IP6K3: variants seen among roughly 807,000 people sequenced by gnomAD.
IP6K3 encodes ATP:1D-myo-inositol-hexakisphosphate phosphotransferase.
Under a neutral mutation model 28.8 loss-of-function variants are expected in IP6K3, and 20 were observed. The ratio of observed to expected loss-of-function variants is 0.70; its 90% CI spans 0.49 to 1.01. The LOEUF is 1.01. Ranked by LOEUF, IP6K3 falls within the 50% of genes least tolerant of loss-of-function variation. The pLI is 0.00. For synonymous variants in IP6K3, 213 were observed against 221.3 expected, an observed-to-expected ratio of 0.96 and a Z score of 0.33; for missense variants, 480 against 537.1, an observed-to-expected ratio of 0.89 and a Z score of 1.05.
intron 1 of IP6K3, among the ~76,000 whole-genome samples, chr6:33,745,219 G>T (rs1582231040): frequency 6.6e-6 from 1 of 152,234 alleles, no homozygotes; most frequent in Non-Finnish European, 1.5e-5. Flanking sequence ...GCAACCATCC[G>T]GGTTTCTGCC....
At chr6:33,759,476 C>T in the IP6K3 span, among the ~76,000 whole-genome samples, 373 of 152,212 alleles carry the variant, frequency 2.5e-3, 2 homozygotes, top group African/African-American at 7.8e-3. Context: ...GCGATCCACC[C>T]GCCTTGGCCT....
the IP6K3 span, among the ~76,000 whole-genome samples, chr6:33,761,727 A>G: frequency 1.3e-5 from 2 of 152,068 alleles, no homozygotes; most frequent in African/African-American, 2.4e-5. Context: ...CTCAGGCCCC[A>G]TGCTCTGCAG....
intron 2 of IP6K3, 126 bp from the exon 3 acceptor site, chr6:33,728,426 T>A: frequency 1.2e-6 from 1 of 829,822 alleles, no homozygotes. Context: ...GTTCCCCAGC[T>A]CCTCTCTCAA....
chr6:33,725,544 CG>C lies in IP6K3; in HGVS notation c.661del (p.Arg221GlyfsTer16), dbSNP rs35685767. The C allele has an allele frequency of 6.2e-7, 1 of 1,614,132 alleles. No homozygotes were observed. Among genetic ancestry groups the C allele is most frequent in the South Asian group, 1.1e-5 (1 of 91,084 alleles). The part of the protein sequence containing the change: ...PCVLDLKMGT[R>X]QHGDDASEEK... Reference sequence around the variant, plus strand: ...CTCCGATGCATCATCGCCGTGCTGCCGGGTCCCCATCTTCAGATCCAGGACA... The same window carrying C: ...CTCCGATGCATCATCGCCGTGCTGCCGGTCCCCATCTTCAGATCCAGGACA... On this transcript the variant is annotated frameshift_variant, in exon 5 of 6. Coordinates refer to ENST00000293756, the MANE Select transcript of IP6K3 (RefSeq NM_054111.5). LOFTEE classifies it high-confidence loss of function.
chr6:33,735,416 A>G lies in IP6K3; in HGVS notation c.61T>C (p.Phe21Leu). The G allele has an allele frequency of 6.2e-7, 1 of 1,609,518 alleles. No homozygotes were observed. The highest frequency in any genetic ancestry group is 1.1e-5 in the South Asian group (1 of 90,504). Residue 21 changes from phenylalanine (F) to leucine (L), a missense_variant, in exon 2 of 6, where the codon TTC (phenylalanine) becomes CTC (leucine). Physicochemically the swap from Phe to Leu is conservative, Grantham distance 22. Transcript: ENST00000293756. ...DMRAGVQLEP[F>L]LHQVGGHMSV... ...ATGTGCCCCCCGACCTGGTGCAGGA[A>G]GGGCTCCAGCTGCACGCCTGCCCTC...
chr6:33,743,077 G>A (rs925791481), intron 1 of IP6K3, among the ~76,000 whole-genome samples: 4 of 152,164 alleles, frequency 2.6e-5, no homozygotes, highest in Non-Finnish European at 4.4e-5. Context: ...AGAGGCAGCC[G>A]GCAGTGGAGG....
intron 2 of IP6K3, among the ~76,000 whole-genome samples, chr6:33,734,889 G>A (rs957444595): frequency 2.0e-5 from 3 of 152,162 alleles, no homozygotes; most frequent in Admixed American, 2.0e-4. Context: ...CATCCTCCTT[G>A]GCTTTCAGAG....
At chr6:33,725,973 C>G (rs1766097024) in intron 4 of IP6K3, among the ~76,000 whole-genome samples, 1 of 152,174 alleles carries the variant, frequency 6.6e-6, no homozygotes, top group Non-Finnish European at 1.5e-5. Flanking sequence ...TTCAGTCCTG[C>G]TGAATGGACC....
the IP6K3 span, among the ~76,000 whole-genome samples, chr6:33,760,004 C>T: frequency 6.6e-6 from 1 of 152,194 alleles, no homozygotes; most frequent in Non-Finnish European, 1.5e-5. Flanking sequence ...GCACAGGTGG[C>T]ATGGCTAAGG....
At chr6:33,733,320 A>C (rs1302492987) in intron 2 of IP6K3, among the ~76,000 whole-genome samples, 1 of 152,242 alleles carries the variant, frequency 6.6e-6, no homozygotes, top group Non-Finnish European at 1.5e-5. Context: ...CCTGAAGGGG[A>C]AAGCAGGGTG....
At chr6:33,728,749 C>T (rs1275993498) in intron 2 of IP6K3, among the ~76,000 whole-genome samples, 1 of 152,170 alleles carries the variant, frequency 6.6e-6, no homozygotes, top group Non-Finnish European at 1.5e-5. Flanking sequence ...TGGGCCCATC[C>T]CATCCCTCCT....
chr6:33,756,369 G>T, the IP6K3 span, among the ~76,000 whole-genome samples: 1 of 151,662 alleles, frequency 6.6e-6, no homozygotes, highest in Non-Finnish European at 1.5e-5. Context: ...AGGCCAGGAA[G>T]AGGCGCTGCA....
intron 1 of IP6K3, among the ~76,000 whole-genome samples, chr6:33,745,425 A>T (rs201946371): frequency 1.3e-5 from 2 of 152,122 alleles, no homozygotes; most frequent in East Asian, 3.9e-4. Context: ...GTTCTGCCTC[A>T]GGCTCCCTGA....
upstream of IP6K3, among the ~76,000 whole-genome samples, chr6:33,749,754 T>C (rs974231037): frequency 1.3e-5 from 2 of 151,868 alleles, no homozygotes; most frequent in African/African-American, 4.8e-5. Context: ...CCCTGAGCTC[T>C]TCACACACTT....
At chr6:33,728,445 T>A in intron 2 of IP6K3, 145 bp from the exon 3 acceptor site, 1 of 749,870 alleles carries the variant, frequency 1.3e-6, no homozygotes, top group Non-Finnish European at 2.2e-6. Flanking sequence ...AAGGAAGAGC[T>A]ATGGGACTGG....
At chr6:33,760,070 G>A in the IP6K3 span, among the ~76,000 whole-genome samples, 1 of 152,226 alleles carries the variant, frequency 6.6e-6, no homozygotes, top group South Asian at 2.1e-4. Context: ...AGATGCCGAT[G>A]TGAAAAACTA....
At chr6:33,760,903 C>G in the IP6K3 span, among the ~76,000 whole-genome samples, 4 of 152,052 alleles carry the variant, frequency 2.6e-5, no homozygotes, top group African/African-American at 9.7e-5. Flanking sequence ...CCCCCGCCTG[C>G]TCTCTCGATG....
chr6:33,728,080 C>T lies in IP6K3; in HGVS notation c.413+7G>A. 1 of 1,601,546 alleles carries T rather than the reference C, an allele frequency of 6.2e-7. No homozygotes were observed. The highest frequency in any genetic ancestry group is 8.5e-7 in the Non-Finnish European group (1 of 1,179,560). On this transcript the variant is annotated splice_region_variant and intron_variant, in intron 3 of 5. Coordinates refer to ENST00000293756, the MANE Select transcript of IP6K3 (RefSeq NM_054111.5). ...AGGGTTTCTGTCATCCTGCCCAGTG[C>T]CCTCACCTCTCCTTGGGTGAGCGTG...
At chr6:33,758,403 T>C in the IP6K3 span, among the ~76,000 whole-genome samples, 1 of 151,954 alleles carries the variant, frequency 6.6e-6, no homozygotes, top group African/African-American at 2.4e-5. Flanking sequence ...TGGTGGCACG[T>C]GCCTGTAGTC....
Sources: allele counts gnomAD v4.1 joint callset (sites outside exome capture counted in the v4.1 genomes callset), GRCh38; gene constraint gnomAD v4.1.1; transcripts MANE v1.5; gene names NCBI Gene and HGNC (gene_info 2026-07-23, HGNC 2026-07-21).